MALRD1: variants seen among roughly 807,000 people sequenced by gnomAD.
MALRD1 encodes the protein MAM and LDL receptor class A domain containing 1.
MALRD1 carries 247 observed loss-of-function variants against 242.1 expected under a neutral mutation model. That is an observed-to-expected ratio of 1.02 (90% CI 0.92 to 1.13). The LOEUF (loss-of-function observed/expected upper bound fraction) is 1.13. Ranked by LOEUF, MALRD1 falls within the 50% of genes most tolerant of loss-of-function variation. MALRD1 has a pLI of 0.00. For missense variants in MALRD1, 2,989 were observed against 2,533.1 expected (o/e 1.18, Z -3.86); for synonymous variants, 995 against 866.6 (o/e 1.15, Z -2.60).
At chr10:19,228,480 A>C (rs1441758420) in intron 18 of MALRD1, among the ~76,000 whole-genome samples, 5 of 152,214 alleles carry the variant, frequency 3.3e-5, no homozygotes, top group Non-Finnish European at 7.3e-5. Context: ...TCAAATGATG[A>C]TATTCATCTG....
chr10:19,626,160 A>G (rs1839641352), intron 36 of MALRD1, among the ~76,000 whole-genome samples: 1 of 152,164 alleles, frequency 6.6e-6, no homozygotes. Flanking sequence ...AAATTGGCCC[A>G]AGAATAGGCA....
intron 18 of MALRD1, among the ~76,000 whole-genome samples, chr10:19,220,677 G>A (rs565301989): frequency 6.6e-6 from 1 of 152,226 alleles, no homozygotes; most frequent in East Asian, 1.9e-4. Context: ...GCTTCATGAG[G>A]AGCAGCTGTT....
intron 7 of MALRD1, among the ~76,000 whole-genome samples, chr10:19,125,318 C>CTTTCTTTCT (rs1491232526): frequency 1.2e-5 from 1 of 80,168 alleles, no homozygotes; most frequent in African/African-American, 5.8e-5. Flanking sequence ...TCCTTCCTTC[C>CTTTCTTTCT]TTCCTTCTTT....
intron 24 of MALRD1, among the ~76,000 whole-genome samples, chr10:19,339,986 C>G (rs1588936253): frequency 1.3e-5 from 2 of 152,090 alleles, no homozygotes; most frequent in East Asian, 3.9e-4. Flanking sequence ...GAGTGCCATA[C>G]TTTTAAACCA....
chr10:19,085,998 C>T (rs914346807), intron 2 of MALRD1, among the ~76,000 whole-genome samples: 7 of 151,948 alleles, frequency 4.6e-5, no homozygotes, highest in Admixed American at 6.6e-5. Context: ...ACTTGCTTAA[C>T]ATTTGTTTAC....
chr10:19,228,725 C>A (rs1015254935), intron 18 of MALRD1, among the ~76,000 whole-genome samples: 1 of 152,058 alleles, frequency 6.6e-6, no homozygotes, highest in Non-Finnish European at 1.5e-5. Context: ...TACAGCTATG[C>A]TCTATATTGG....
intron 1 of MALRD1, among the ~76,000 whole-genome samples, chr10:19,050,083 CTTTTTTTTT>C (rs34692209): frequency 7.7e-5 from 7 of 90,580 alleles, no homozygotes; most frequent in Non-Finnish European, 1.4e-4. Flanking sequence ...CATATGTCTT[CTTTTTTTTT>C]TTTTTTTTTT....
rs548629451 is a variant in MALRD1, at chr10:19,513,164, A to C, written c.5320+14518A>C. On this transcript the variant is annotated intron_variant, in intron 31 of 39. Transcript: ENST00000454679. ...CCAGTGTTGGAGATGGGACCTAGTG[A>C]GAGGTGCTTGGGTCATGAGGATGGA... Among the ~76,000 whole-genome samples, 21 of 152,204 alleles carry C rather than the reference A, an allele frequency of 1.4e-4. No homozygotes were observed. In the South Asian group the frequency reaches 4.1e-3, roughly 30 times the overall value.
intron 19 of MALRD1, among the ~76,000 whole-genome samples, chr10:19,267,632 C>T (rs1171070448): frequency 6.6e-6 from 1 of 152,136 alleles, no homozygotes; most frequent in African/African-American, 2.4e-5. Flanking sequence ...ATATCACCTG[C>T]AGCTTTTCAT....
chr10:19,206,735 T>C (rs1836804263), intron 17 of MALRD1, among the ~76,000 whole-genome samples: 1 of 152,202 alleles, frequency 6.6e-6, no homozygotes, highest in Non-Finnish European at 1.5e-5. Flanking sequence ...AGATGCGGTC[T>C]TTTATGGAAA....
intron 21 of MALRD1, among the ~76,000 whole-genome samples, chr10:19,315,037 T>A (rs1842589421): frequency 7.0e-6 from 1 of 142,732 alleles, no homozygotes; most frequent in Admixed American, 7.3e-5. Context: ...ATATAATTTA[T>A]ATAAATATGT....
chr10:19,641,276 T>C (rs1840374791), intron 36 of MALRD1, among the ~76,000 whole-genome samples: 1 of 152,122 alleles, frequency 6.6e-6, no homozygotes, highest in South Asian at 2.1e-4. Flanking sequence ...ACTGAAGATA[T>C]TATAGATAAA....
At position 19,271,713 on chromosome 10, in the gene MALRD1, A is replaced by G. The variant is rs564330655; in HGVS notation, c.3080-8334A>G. On this transcript the variant is annotated intron_variant, in intron 19 of 39. Coordinates refer to ENST00000454679, the MANE Select transcript of MALRD1 (RefSeq NM_001142308.3). ...GGGAGGTGGAGGTTGCAGTGAGCCG[A>G]GATCTCACCACTGCACTCCATCCTG... is the stretch of plus-strand genomic sequence containing the variant. Among the ~76,000 whole-genome samples, 7 of 151,816 alleles carry G rather than the reference A, an allele frequency of 4.6e-5. No homozygotes were observed. The East Asian group carries it at 1.2e-3, about 25-fold the overall frequency.
In MALRD1 at chr10:19,128,266, A is replaced by C. The variant is rs969172794; in HGVS notation, c.989A>C (p.His330Pro). The change falls in exon 8 of 40, where the codon CAT becomes CCT. Residue 330 changes from histidine to proline, a missense_variant. Coordinates refer to ENST00000454679, the MANE Select transcript of MALRD1 (RefSeq NM_001142308.3). ...GCTAAGCATGGTTTCACTCTTAACC[A>C]TTTAGACAGCAGGGCTTACCTAAAT... Reference protein sequence around the residue: ...VGAKHGFTLNHLDSRAYLNSS... With the variant: ...VGAKHGFTLNPLDSRAYLNSS... The C allele has an allele frequency of 8.1e-7, 1 of 1,233,590 alleles. No individual in the cohort carries two copies. The highest frequency in any genetic ancestry group is 4.1e-5 in the South Asian group (1 of 24,418). The allele number at this position is 1,233,590 out of a possible 1,614,324, so 76.4% of individuals were successfully genotyped here.
intron 5 of MALRD1, among the ~76,000 whole-genome samples, chr10:19,114,229 C>G (rs2131360772): frequency 1.3e-5 from 2 of 152,250 alleles, no homozygotes; most frequent in East Asian, 3.9e-4. Flanking sequence ...AAGAATTAAT[C>G]TGGGCCAAGC....
chr10:19,724,372 A>G (rs1431529471), intron 38 of MALRD1, among the ~76,000 whole-genome samples: 1 of 152,246 alleles, frequency 6.6e-6, no homozygotes, highest in Non-Finnish European at 1.5e-5. Context: ...GAAACAAATT[A>G]TAAAAGTGTA....
intron 18 of MALRD1, among the ~76,000 whole-genome samples, chr10:19,226,074 A>G (rs1837787113): frequency 6.6e-6 from 1 of 152,168 alleles, no homozygotes; most frequent in Non-Finnish European, 1.5e-5. Flanking sequence ...ACAGACTGAT[A>G]ACCATTATGA....
At chr10:19,283,729 G>T (rs1840944380) in intron 21 of MALRD1, among the ~76,000 whole-genome samples, 1 of 152,104 alleles carries the variant, frequency 6.6e-6, no homozygotes, top group Non-Finnish European at 1.5e-5. Context: ...ATCATTATTT[G>T]CATTTCACTG....
rs1223323269 is a variant in MALRD1 at position 19,257,709 on chromosome 10, A to G, written c.3017A>G (p.Asp1006Gly). ...ATATTGGTGGAGGCTTCAGTGGGAG[A>G]TGGCTTCACTGGAGATATTGCGATT... ...FQILVEASVG[D>G]GFTGDIAIDD... The change falls in exon 19 of 40, where the codon GAT becomes GGT. Residue 1006 changes from aspartate to glycine, a missense_variant. Physicochemically the swap from Asp to Gly is moderately conservative, Grantham distance 94. Transcript: ENST00000454679. The G allele has an allele frequency of 1.9e-6, 3 of 1,540,694 alleles. No individual in the cohort carries two copies. Among genetic ancestry groups the G allele is most frequent in the Non-Finnish European group, 2.6e-6 (3 of 1,141,300 alleles).
Sources: allele counts gnomAD v4.1 joint callset (sites outside exome capture counted in the v4.1 genomes callset), GRCh38; gene constraint gnomAD v4.1.1; transcripts MANE v1.5; gene names NCBI Gene and HGNC (gene_info 2026-07-23, HGNC 2026-07-21).